CYP4F22: variants seen among roughly 807,000 people sequenced by gnomAD.
The protein encoded by CYP4F22 is ultra-long-chain fatty acid omega-hydroxylase.
CYP4F22 carries 37 observed loss-of-function variants against 60.4 expected under a neutral mutation model. That is an observed-to-expected ratio of 0.61 (90% CI 0.47 to 0.81). The LOEUF is 0.81. Among genes scored for constraint, CYP4F22 ranks in the 30% least tolerant of loss-of-function variants. CYP4F22 has a pLI of 0.00. For synonymous variants in CYP4F22, 258 were observed against 280.5 expected (o/e 0.92, Z 0.80); for missense variants, 655 against 715.0 (o/e 0.92, Z 0.96).
At chr19:15,520,321 G>A (rs2144505456) in intron 1 of CYP4F22, among the ~76,000 whole-genome samples, 2 of 148,768 alleles carry the variant, frequency 1.3e-5, no homozygotes, top group South Asian at 4.3e-4. Flanking sequence ...ACTCCAGCCT[G>A]GGCGACAGAG....
intron 4 of CYP4F22, among the ~76,000 whole-genome samples, chr19:15,532,949 G>T (rs1162803498): frequency 6.6e-6 from 1 of 152,154 alleles, no homozygotes; most frequent in East Asian, 1.9e-4. Context: ...GAGGCCTCTT[G>T]GCCCCAGGGT....
Position 15,540,456 on chromosome 19 carries a change from G to A in CYP4F22, c.678G>A (p.Met226Ile). The A allele has an allele frequency of 6.2e-7, 1 of 1,614,180 alleles. No homozygotes were observed. The highest frequency in any genetic ancestry group is 8.5e-7 in the Non-Finnish European group (1 of 1,180,034). ...ATCCCCTTCTCCTTGGCAGGAAGATGAGTGATTATATCTCCGCTATCATTG... is the reference window on the plus strand; with the variant it reads ...ATCCCCTTCTCCTTGGCAGGAAGATAAGTGATTATATCTCCGCTATCATTG... ...FSYNSNCQEK[M>I]SDYISAIIEL... Residue 226 changes from methionine (M) to isoleucine (I), a missense_variant, in exon 8 of 14, where the codon ATG becomes ATA. By Grantham distance (10) the Met-to-Ile change is conservative (BLOSUM62 1). This residue lies in a region of CYP4F22 where 430 missense variants were observed against 457.1 expected (regional missense o/e 0.94). Coordinates refer to ENST00000269703, the MANE Select transcript of CYP4F22 (RefSeq NM_173483.4).
chr19:15,527,627 A>G (rs755980036), intron 3 of CYP4F22, among the ~76,000 whole-genome samples: 2 of 152,172 alleles, frequency 1.3e-5, no homozygotes, highest in African/African-American at 2.4e-5. Context: ...TCCTGGGCCC[A>G]CGGGGGCTGG....
At chr19:15,550,328 AAAAG>A (rs1383652069) in intron 12 of CYP4F22, among the ~76,000 whole-genome samples, 1 of 152,210 alleles carries the variant, frequency 6.6e-6, no homozygotes, top group African/African-American at 2.4e-5. Flanking sequence ...CAAACAAAAA[AAAAG>A]AAAAACAGGT....
In CYP4F22 at chr19:15,537,422, C is replaced by A. The variant is rs200108978; in HGVS notation, c.421+8C>A. The stretch of plus-strand genomic sequence containing the variant: ...TCCTAAAACCTTGGCTAGGTGAGTG[C>A]CCAGTGGGTAGGCTGGGGCTGGGGC... On this transcript the variant is annotated splice_region_variant and intron_variant, in intron 5 of 13. Coordinates refer to ENST00000269703, the MANE Select transcript of CYP4F22 (RefSeq NM_173483.4). 180 of 1,614,156 alleles carry A rather than the reference C, an allele frequency of 1.1e-4. 2 individuals are homozygous for A. The Admixed American group carries it at 2.9e-3, about 26-fold the overall frequency.
intron 4 of CYP4F22, among the ~76,000 whole-genome samples, chr19:15,530,061 C>T (rs573091394): frequency 2.0e-5 from 3 of 152,288 alleles, no homozygotes; most frequent in South Asian, 2.1e-4. Flanking sequence ...CCAGAAACTT[C>T]GAGGGAATGT....
At chr19:15,509,918 C>T (rs58663793) in intron 1 of CYP4F22, among the ~76,000 whole-genome samples, 26,476 of 82,260 alleles carry the variant, frequency 0.32, 3,510 homozygotes, top group East Asian at 0.67. Flanking sequence ...TCTTTCTTTC[C>T]TTCCTTCTTT....
chr19:15,510,881 G>A (rs963041498), intron 1 of CYP4F22, among the ~76,000 whole-genome samples: 1 of 150,960 alleles, frequency 6.6e-6, no homozygotes, highest in Non-Finnish European at 1.5e-5. Flanking sequence ...CACTTTGGGA[G>A]GCTAAGGCTG....
rs1162465828 is a variant in CYP4F22, at chr19:15,548,002, AGTGTGTGTGTGT to A, written c.1137-69_1137-58del. 610 of 367,152 alleles carry A rather than the reference AGTGTGTGTGTGT, an allele frequency of 1.7e-3. 8 individuals are homozygous for A. The highest frequency in any genetic ancestry group is 9.7e-3 in the South Asian group (239 of 24,516). The allele number at this position is 367,152 out of a possible 1,614,324, so 22.7% of individuals were successfully genotyped here. On this transcript the variant is annotated intron_variant, in intron 10 of 13. Coordinates refer to ENST00000269703, the MANE Select transcript of CYP4F22 (RefSeq NM_173483.4). ...GAGAGAGAGAGAGAGAGAGGGAGAG[AGTGTGTGTGTGT>A]GTGTGTGTGTGTGTGTGTGTGTGTG...
At chr19:15,515,539 A>G (rs898714081) in intron 1 of CYP4F22, 3 of 603,680 alleles carry the variant, frequency 5.0e-6, no homozygotes, top group African/African-American at 3.7e-5. Context: ...AGCCTGGCCA[A>G]TATGGTGACA....
intron 2 of CYP4F22, among the ~76,000 whole-genome samples, chr19:15,524,456 C>T (rs1357299404): frequency 6.6e-6 from 1 of 152,020 alleles, no homozygotes; most frequent in East Asian, 1.9e-4. Context: ...TCGAGACCAG[C>T]CTGGGCAACA....
At chr19:15,538,094 G>A in intron 7 of CYP4F22, 101 bp downstream of exon 7, 1 of 1,537,740 alleles carries the variant, frequency 6.5e-7, no homozygotes, top group African/African-American at 1.4e-5. Flanking sequence ...TCTGGCCTAT[G>A]GGAGCTCTGC....
intron 3 of CYP4F22, among the ~76,000 whole-genome samples, chr19:15,528,255 C>A (rs545612000): frequency 3.1e-4 from 47 of 152,202 alleles, no homozygotes; most frequent in Non-Finnish European, 4.0e-4. Flanking sequence ...GAGTTTGAGA[C>A]CAGCTTGGGC....
chr19:15,516,267 C>T (rs1056778720), intron 1 of CYP4F22, among the ~76,000 whole-genome samples: 5 of 152,198 alleles, frequency 3.3e-5, no homozygotes, highest in Admixed American at 6.6e-5. Flanking sequence ...TGTCCCAGCT[C>T]GCAGCCCATG....
chr19:15,547,020 T>TTTG, intron 10 of CYP4F22, among the ~76,000 whole-genome samples: 1 of 102,986 alleles, frequency 9.7e-6, no homozygotes, highest in African/African-American at 3.1e-5. Flanking sequence ...CTGCACCAGT[T>TTTG]TTTTTTTTTT....
chr19:15,513,490 G>A (rs185255458), intron 1 of CYP4F22, among the ~76,000 whole-genome samples: 2,266 of 150,820 alleles, frequency 0.015, 69 homozygotes, highest in African/African-American at 0.053. Context: ...TCAGCCTCCC[G>A]AGTAGCTGGG....
chr19:15,548,986 G>A (rs1971564178), intron 11 of CYP4F22, 152 bp from the exon 12 acceptor site: 2 of 772,342 alleles, frequency 2.6e-6, no homozygotes, highest in Non-Finnish European at 4.3e-6. Context: ...AAGAGTGGAT[G>A]GGGCAGCAGA....
At chr19:15,534,257 A>C (rs1469342973) in intron 4 of CYP4F22, among the ~76,000 whole-genome samples, 1 of 152,058 alleles carries the variant, frequency 6.6e-6, no homozygotes, top group African/African-American at 2.4e-5. Flanking sequence ...AGATTGTTCT[A>C]TTTTCTCCTT....
Position 15,547,018 on chromosome 19 carries a change from G to GTTTTTTT in CYP4F22, c.1137-1074_1137-1068dup, listed in dbSNP as rs71176432. Among the ~76,000 whole-genome samples the GTTTTTTT allele has an allele frequency of 4.3e-3, 357 of 82,298 alleles. 28 individuals carry two copies. Among genetic ancestry groups the GTTTTTTT allele is most frequent in the African/African-American group, 0.01 (183 of 17,584 alleles). The allele number at this position is 82,298 out of a possible 152,430, so 54.0% of individuals were successfully genotyped here. A position where few individuals can be genotyped will look rare whatever the true frequency, so the allele number is the denominator to read the frequency against. Reference sequence around the variant, plus strand: ...GAGCCACCATGCCTGGCCTGCACCAGTTTTTTTTTTTTTTTTTTTTTTAAG... The same window carrying GTTTTTTT: ...GAGCCACCATGCCTGGCCTGCACCAGTTTTTTTTTTTTTTTTTTTTTTTTTTTTTAAG... On this transcript the variant is annotated intron_variant, in intron 10 of 13. Transcript: ENST00000269703.
Sources: allele counts gnomAD v4.1 joint callset (sites outside exome capture counted in the v4.1 genomes callset), GRCh38; gene constraint gnomAD v4.1.1; regional missense constraint gnomAD v4.1.1; transcripts MANE v1.5; gene names NCBI Gene and HGNC (gene_info 2026-07-23, HGNC 2026-07-21).